The following NXPH1 variants were observed in gnomAD, a reference collection of about 807,000 sequenced individuals.
NXPH1 encodes neurexophilin 1.
A neutral mutation model predicts 23.7 loss-of-function variants in NXPH1; 5 were observed. That is an observed-to-expected ratio of 0.21 (90% CI 0.11 to 0.44). The LOEUF is 0.44. Among genes scored for constraint, NXPH1 ranks in the 20% least tolerant of loss-of-function variants. NXPH1 has a pLI of 0.99. For missense variants in NXPH1, 324 were observed against 321.6 expected (o/e 1.01, Z -0.06); for synonymous variants, 144 against 122.2 (o/e 1.18, Z -1.18).
chr7:8,598,562 G>A (rs1193174018), intron 2 of NXPH1, among the ~76,000 whole-genome samples: 1 of 152,110 alleles, frequency 6.6e-6, no homozygotes, highest in Non-Finnish European at 1.5e-5. Context: ...ATTAGGATGA[G>A]TTTTCTTTTT....
intron 2 of NXPH1, among the ~76,000 whole-genome samples, chr7:8,455,250 G>T (rs184669575): frequency 2.0e-5 from 3 of 152,200 alleles, no homozygotes. Context: ...TGTGGCATAC[G>T]GCTAAAAAGA....
At chr7:8,488,156 T>G (rs1817189360) in intron 2 of NXPH1, among the ~76,000 whole-genome samples, 2 of 152,160 alleles carry the variant, frequency 1.3e-5, no homozygotes, top group Admixed American at 1.3e-4. Flanking sequence ...CATGAACACA[T>G]TTTATGGAAA....
At chr7:8,525,301 T>A (rs1468410248) in intron 2 of NXPH1, among the ~76,000 whole-genome samples, 1 of 152,182 alleles carries the variant, frequency 6.6e-6, no homozygotes, top group Non-Finnish European at 1.5e-5. Context: ...CAGAAGAAAT[T>A]TCTAAGCAGC....
At chr7:8,471,140 G>A (rs1816865669) in intron 2 of NXPH1, among the ~76,000 whole-genome samples, 1 of 152,118 alleles carries the variant, frequency 6.6e-6, no homozygotes, top group African/African-American at 2.4e-5. Flanking sequence ...TACCCAAATT[G>A]CATTTGAATG....
intron 2 of NXPH1, among the ~76,000 whole-genome samples, chr7:8,553,638 A>G (rs1368239691): frequency 2.0e-5 from 3 of 151,514 alleles, no homozygotes; most frequent in African/African-American, 7.3e-5. Flanking sequence ...GTGGCAGTAA[A>G]TCTCTAGTTT....
At chr7:8,586,048 C>T (rs1030383323) in intron 2 of NXPH1, among the ~76,000 whole-genome samples, 1 of 152,100 alleles carries the variant, frequency 6.6e-6, no homozygotes, top group Non-Finnish European at 1.5e-5. Flanking sequence ...GTTTGCAATA[C>T]AGTTTGCTGT....
chr7:8,528,050 C>T (rs951065647), intron 2 of NXPH1, among the ~76,000 whole-genome samples: 1 of 152,204 alleles, frequency 6.6e-6, no homozygotes, highest in Non-Finnish European at 1.5e-5. Flanking sequence ...ACGGGTGGTT[C>T]TTTGACCTAG....
At chr7:8,447,774 G>T (rs1392365627) in intron 2 of NXPH1, among the ~76,000 whole-genome samples, 1 of 152,216 alleles carries the variant, frequency 6.6e-6, no homozygotes, top group African/African-American at 2.4e-5. Flanking sequence ...GTGGCCAGAT[G>T]CATTTGCACA....
At chr7:8,511,334 G>A (rs544289827) in intron 2 of NXPH1, among the ~76,000 whole-genome samples, 91 of 152,162 alleles carry the variant, frequency 6.0e-4, no homozygotes, top group Admixed American at 2.6e-3. Flanking sequence ...TGGGACAGAG[G>A]CTGCCAGCCA....
At chr7:8,553,095 T>C (rs1818304274) in intron 2 of NXPH1, among the ~76,000 whole-genome samples, 1 of 151,502 alleles carries the variant, frequency 6.6e-6, no homozygotes, top group African/African-American at 2.4e-5. Flanking sequence ...AAAGAGAGAA[T>C]GAAAAGCAGT....
At chr7:8,750,880 C>T (rs1420611483) in intron 2 of NXPH1, 128 bp from the exon 3 acceptor site, 8 of 862,248 alleles carry the variant, frequency 9.3e-6, no homozygotes, top group Non-Finnish European at 1.4e-5. Flanking sequence ...GTGTTCTTCT[C>T]AGATGCGGTG....
chr7:8,657,398 T>G (rs1820600379), intron 2 of NXPH1, among the ~76,000 whole-genome samples: 1 of 152,206 alleles, frequency 6.6e-6, no homozygotes, highest in African/African-American at 2.4e-5. Flanking sequence ...TGATAATTCC[T>G]GTATTCTTTT....
At chr7:8,509,314 C>T (rs1817577332) in intron 2 of NXPH1, among the ~76,000 whole-genome samples, 1 of 152,068 alleles carries the variant, frequency 6.6e-6, no homozygotes, top group East Asian at 1.9e-4. Flanking sequence ...ATTTAAGTAG[C>T]TTATTTCCAC....
intron 2 of NXPH1, among the ~76,000 whole-genome samples, chr7:8,652,345 T>C (rs1461339798): frequency 6.6e-6 from 1 of 152,180 alleles, no homozygotes; most frequent in Non-Finnish European, 1.5e-5. Flanking sequence ...TTATCTATTT[T>C]ATGTAGAGAA....
At chr7:8,634,303 G>T (rs929383880) in intron 2 of NXPH1, among the ~76,000 whole-genome samples, 5 of 152,082 alleles carry the variant, frequency 3.3e-5, no homozygotes, top group Non-Finnish European at 1.5e-5. Flanking sequence ...ATGTTCTCTT[G>T]CCTGCAGCCA....
intron 2 of NXPH1, among the ~76,000 whole-genome samples, chr7:8,618,034 T>A (rs571200040): frequency 6.6e-6 from 1 of 152,200 alleles, no homozygotes; most frequent in East Asian, 1.9e-4. Flanking sequence ...TTTTTAAAAG[T>A]AAATTAAAAA....
At chr7:8,504,448 A>T (rs1330344793) in intron 2 of NXPH1, among the ~76,000 whole-genome samples, 1 of 152,060 alleles carries the variant, frequency 6.6e-6, no homozygotes, top group African/African-American at 2.4e-5. Context: ...TTTACTGAGC[A>T]GAAATTTTAC....
rs151227958 is a variant in NXPH1 at position 8,661,462 on chromosome 7, T to C, written c.55-89546T>C. On this transcript the variant is annotated intron_variant, in intron 2 of 2. Transcript: ENST00000405863. ...CCTTATTTTGTTGTTGCTGTTTTTC[T>C]GTTTTGTTTTGGGCTTTTAGCAGCC... is the stretch of plus-strand genomic sequence containing the variant. 3.0e-3 allele frequency among the ~76,000 whole-genome samples: 459 copies of C among 152,294 alleles called. 1 individual carries two copies. Among genetic ancestry groups the C allele is most frequent in the Non-Finnish European group, 5.0e-3 (341 of 68,012 alleles).
chr7:8,704,047 G>A (rs1247571719), intron 2 of NXPH1, among the ~76,000 whole-genome samples: 1 of 152,078 alleles, frequency 6.6e-6, no homozygotes, highest in Non-Finnish European at 1.5e-5. Context: ...AGTTTCAAGG[G>A]TTTTAGACTA....
Sources: gnomAD v4.1 joint callset for allele counts (sites outside exome capture counted in the v4.1 genomes callset) on GRCh38, gnomAD v4.1.1 for gene constraint, MANE v1.5 for transcripts, NCBI Gene and HGNC (gene_info 2026-07-23, HGNC 2026-07-21) for gene names.